SLC27A6: variants seen among roughly 807,000 people sequenced by gnomAD.
SLC27A6 encodes solute carrier family 27 member 6.
SLC27A6 carries 74 observed loss-of-function variants against 63.9 expected under a neutral mutation model. The ratio of observed to expected loss-of-function variants is 1.16; its 90% CI spans 0.96 to 1.40. The LOEUF is 1.40. Ranked by LOEUF, SLC27A6 falls within the 40% of genes most tolerant of loss-of-function variation. The probability of loss-of-function intolerance (pLI) is 0.00; values close to 1 mark genes in which losing one functional copy is unlikely to be tolerated. For missense variants in SLC27A6, 794 were observed against 732.9 expected (o/e 1.08, Z -0.96); for synonymous variants, 287 against 260.8 (o/e 1.10, Z -0.97).
chr5:128,971,234 G>A (rs913753497), intron 1 of SLC27A6, among the ~76,000 whole-genome samples: 1 of 152,156 alleles, frequency 6.6e-6, no homozygotes, highest in African/African-American at 2.4e-5. Context: ...TGTATATTCT[G>A]TTGATTTGGG....
chr5:128,977,832 C>G (rs1479768465), intron 1 of SLC27A6, among the ~76,000 whole-genome samples: 1 of 151,952 alleles, frequency 6.6e-6, no homozygotes, highest in South Asian at 2.1e-4. Flanking sequence ...CTAAACATGC[C>G]AAAGGATATA....
At chr5:129,032,543 T>C (rs66854378) in intron 9 of SLC27A6, among the ~76,000 whole-genome samples, 33,957 of 151,996 alleles carry the variant, frequency 0.22, 3,852 homozygotes, top group Middle Eastern at 0.28. Context: ...GACTGGTGAC[T>C]AACAGATGTC....
chr5:128,989,484 T>G, intron 3 of SLC27A6, among the ~76,000 whole-genome samples: 1 of 152,342 alleles, frequency 6.6e-6, no homozygotes, highest in Admixed American at 6.5e-5. Flanking sequence ...ATGATCAATA[T>G]CCACCATAAA....
chr5:129,022,844 T>C (rs1017753071), intron 5 of SLC27A6, among the ~76,000 whole-genome samples: 4 of 151,808 alleles, frequency 2.6e-5, no homozygotes, highest in East Asian at 1.9e-4. Context: ...CAAAACAAAA[T>C]AGGAGGAGGT....
intron 2 of SLC27A6, 60 bp from the exon 3 acceptor site, chr5:128,988,540 T>C: frequency 7.6e-7 from 1 of 1,311,166 alleles, no homozygotes; most frequent in South Asian, 1.3e-5. Flanking sequence ...TGAATATGTA[T>C]GCATATGTAT....
intron 4 of SLC27A6, 56 bp from the exon 5 acceptor site, chr5:129,015,829 T>C: frequency 1.6e-6 from 2 of 1,224,474 alleles, no homozygotes; most frequent in Non-Finnish European, 2.3e-6. Flanking sequence ...TAAATAATAA[T>C]AAAGAAAGAA....
At chr5:129,006,071 G>GTTTTTTTTTGT (rs1751514314) in intron 4 of SLC27A6, among the ~76,000 whole-genome samples, 1 of 60,148 alleles carries the variant, frequency 1.7e-5, no homozygotes, top group African/African-American at 8.3e-5. Context: ...TGTGCACACT[G>GTTTTTTTTTGT]TTTTTTTTTT....
At chr5:128,985,751 T>C (rs1750766084) in intron 2 of SLC27A6, among the ~76,000 whole-genome samples, 1 of 152,236 alleles carries the variant, frequency 6.6e-6, no homozygotes, top group African/African-American at 2.4e-5. Context: ...ACTGATTCTT[T>C]TGGATTTAAA....
intron 9 of SLC27A6, among the ~76,000 whole-genome samples, chr5:129,030,986 C>T (rs550450833): frequency 1.3e-5 from 2 of 152,004 alleles, no homozygotes; most frequent in South Asian, 2.1e-4. Context: ...CTCACCCAAC[C>T]CCATAAGTAA....
At chr5:128,973,890 T>G (rs999619014) in intron 1 of SLC27A6, among the ~76,000 whole-genome samples, 10 of 152,212 alleles carry the variant, frequency 6.6e-5, no homozygotes, top group African/African-American at 2.4e-4. Flanking sequence ...GCTGTTCCTA[T>G]TCAGCTATCT....
rs371482860 is a variant in SLC27A6 at position 128,989,441 on chromosome 5, A to G, written c.844+683A>G. 2.0e-5 allele frequency among the ~76,000 whole-genome samples: 3 copies of G among 152,344 alleles called. No individual in the cohort carries two copies. The East Asian group carries it at 5.8e-4, about 29-fold the overall frequency. On this transcript the variant is annotated intron_variant, in intron 3 of 9. Coordinates refer to ENST00000262462, the MANE Select transcript of SLC27A6 (RefSeq NM_001017372.3). ...CATTTGCTACTTGTATTTGTCTAAA[A>G]TGCTGTAATTTTTAGAATAGAATAT... is the stretch of plus-strand genomic sequence containing the variant.
intron 1 of SLC27A6, among the ~76,000 whole-genome samples, chr5:128,972,140 T>G (rs1480373858): frequency 6.6e-6 from 1 of 152,216 alleles, no homozygotes; most frequent in Non-Finnish European, 1.5e-5. Flanking sequence ...CAGCTGTTAG[T>G]CTGATGGGCT....
intron 4 of SLC27A6, among the ~76,000 whole-genome samples, chr5:129,006,694 A>C (rs1751552423): frequency 6.6e-6 from 1 of 152,196 alleles, no homozygotes; most frequent in South Asian, 2.1e-4. Flanking sequence ...AAATAACAAC[A>C]GTAATTTATA....
At chr5:128,967,381 G>A (rs1232965189) in intron 1 of SLC27A6, among the ~76,000 whole-genome samples, 2 of 152,146 alleles carry the variant, frequency 1.3e-5, no homozygotes, top group African/African-American at 2.4e-5. Context: ...TATGAAAAAT[G>A]ATACTTATTT....
At chr5:128,976,690 A>G (rs2577425) in intron 1 of SLC27A6, among the ~76,000 whole-genome samples, 48,435 of 152,120 alleles carry the variant, frequency 0.32, 8,464 homozygotes, top group East Asian at 0.62. Flanking sequence ...ACTATGCACC[A>G]TTTCAGTGTA....
chr5:128,970,640 C>A (rs184159039), intron 1 of SLC27A6, among the ~76,000 whole-genome samples: 2 of 151,960 alleles, frequency 1.3e-5, no homozygotes, highest in East Asian at 3.9e-4. Context: ...CTATTTGACT[C>A]TTCTCTCTTT....
chr5:129,030,853 AG>A (rs1752395349), intron 9 of SLC27A6, among the ~76,000 whole-genome samples: 1 of 152,008 alleles, frequency 6.6e-6, no homozygotes, highest in South Asian at 2.1e-4. Context: ...TTTTCTATAC[AG>A]TTTTATCACC....
intron 1 of SLC27A6, among the ~76,000 whole-genome samples, chr5:128,973,060 C>T (rs1170945776): frequency 6.6e-6 from 1 of 152,182 alleles, no homozygotes; most frequent in Non-Finnish European, 1.5e-5. Flanking sequence ...GCTGGAGGTC[C>T]ACTCCAGACC....
At chr5:128,978,743 C>A (rs1692495918) in intron 1 of SLC27A6, among the ~76,000 whole-genome samples, 1 of 152,058 alleles carries the variant, frequency 6.6e-6, no homozygotes, top group Non-Finnish European at 1.5e-5. Context: ...CATGGAAATG[C>A]CTGAATACAT....
Sources: gnomAD v4.1 joint callset for allele counts (sites outside exome capture counted in the v4.1 genomes callset) on GRCh38, gnomAD v4.1.1 for gene constraint, MANE v1.5 for transcripts, NCBI Gene and HGNC (gene_info 2026-07-23, HGNC 2026-07-21) for gene names.